The following FBXW7 variants were observed in gnomAD, a reference collection of about 807,000 sequenced individuals.
FBXW7 encodes the protein F-box and WD repeat domain containing 7.
FBXW7 carries 11 observed loss-of-function variants against 86.3 expected under a neutral mutation model. That is an observed-to-expected ratio of 0.13 (90% CI 0.08 to 0.21). The LOEUF (loss-of-function observed/expected upper bound fraction) is 0.21. FBXW7 is among the 10% of genes least tolerant of loss of function. FBXW7 has a pLI of 1.00. For synonymous variants in FBXW7, 313 were observed against 297.9 expected, an observed-to-expected ratio of 1.05 and a Z score of -0.52; for missense variants, 488 against 847.4, an observed-to-expected ratio of 0.58 and a Z score of 5.27.
At chr4:152,350,861 T>C (rs1485721795) in intron 4 of FBXW7, among the ~76,000 whole-genome samples, 1 of 151,966 alleles carries the variant, frequency 6.6e-6, no homozygotes, top group Non-Finnish European at 1.5e-5. Flanking sequence ...GTTATGCCTC[T>C]TCTATAAGGT....
chr4:152,439,997 C>G (rs1324368579), intron 2 of FBXW7, among the ~76,000 whole-genome samples: 4 of 151,956 alleles, frequency 2.6e-5, no homozygotes, highest in Non-Finnish European at 5.9e-5. Flanking sequence ...CTACTAAACA[C>G]TTAAAAATTA....
Position 152,411,691 on chromosome 4 carries a change from T to A in FBXW7, c.113A>T (p.Glu38Val). Reference sequence around the variant, plus strand: ...TCTGAGTTGCTGTTGCTGTTCCTCCTCTACCACACGATTCATCTGTTCTTC... The same window carrying A: ...TCTGAGTTGCTGTTGCTGTTCCTCCACTACCACACGATTCATCTGTTCTTC... ...VDEEQMNRVV[E>V]EEQQQQLRQQ... The change falls in exon 4 of 14, where the codon GAG becomes GTG. Residue 38 changes from glutamate to valine, a missense_variant. Around this residue, in one of 4 missense-constraint regions of FBXW7, gnomAD observed 230 missense variants for 240.0 expected, o/e 0.96. Transcript: ENST00000281708. 6.2e-7 allele frequency: 1 copy of A among 1,613,930 alleles called. No homozygotes were observed. The highest frequency in any genetic ancestry group is 8.5e-7 in the Non-Finnish European group (1 of 1,179,872).
intron 2 of FBXW7, among the ~76,000 whole-genome samples, chr4:152,499,367 G>C (rs1292702449): frequency 6.6e-6 from 1 of 152,106 alleles, no homozygotes; most frequent in East Asian, 1.9e-4. Context: ...AGGAATACTA[G>C]GAAATTGAGT....
chr4:152,385,153 T>C (rs1227428031), intron 4 of FBXW7, among the ~76,000 whole-genome samples: 1 of 152,040 alleles, frequency 6.6e-6, no homozygotes, highest in African/African-American at 2.4e-5. Context: ...AGTGATACCT[T>C]TGAAATCAAT....
chr4:152,461,755 A>G (rs1009136313), intron 2 of FBXW7, among the ~76,000 whole-genome samples: 19 of 152,310 alleles, frequency 1.2e-4, no homozygotes, highest in African/African-American at 4.3e-4. Context: ...TTTTGTCGCA[A>G]TCTTTCAAAG....
chr4:152,440,713 T>C (rs980669137), intron 2 of FBXW7, among the ~76,000 whole-genome samples: 2 of 152,006 alleles, frequency 1.3e-5, no homozygotes, highest in Non-Finnish European at 2.9e-5. Flanking sequence ...GGGGAGAAAA[T>C]GGTACCTTGC....
At chr4:152,342,009 TATTA>T (rs1442401984) in intron 6 of FBXW7, among the ~76,000 whole-genome samples, 3 of 152,072 alleles carry the variant, frequency 2.0e-5, no homozygotes, top group African/African-American at 7.2e-5. Flanking sequence ...TTCTTTTAAT[TATTA>T]TTTTACTGCT....
intron 4 of FBXW7, among the ~76,000 whole-genome samples, chr4:152,371,617 T>G (rs1364989904): frequency 1.3e-5 from 2 of 151,996 alleles, no homozygotes; most frequent in Non-Finnish European, 2.9e-5. Flanking sequence ...ACCAAATGAT[T>G]TAGAAATGAA....
intron 2 of FBXW7, among the ~76,000 whole-genome samples, chr4:152,497,318 T>A (rs1425790901): frequency 1.8e-5 from 1 of 55,740 alleles, no homozygotes. Flanking sequence ...TGAGACTCCA[T>A]CTCAAAAAAA....
chr4:152,376,319 T>C (rs948493161), intron 4 of FBXW7, among the ~76,000 whole-genome samples: 1 of 152,090 alleles, frequency 6.6e-6, no homozygotes, highest in African/African-American at 2.4e-5. Context: ...ACAGAGCTTA[T>C]GATGGTCGGT....
At chr4:152,427,496 T>C (rs1038926157) in intron 2 of FBXW7, among the ~76,000 whole-genome samples, 2 of 152,234 alleles carry the variant, frequency 1.3e-5, no homozygotes, top group Non-Finnish European at 2.9e-5. Context: ...AATTAACCTC[T>C]GCAATTCATT....
intron 2 of FBXW7, among the ~76,000 whole-genome samples, chr4:152,488,412 T>TCA (rs1015624625): frequency 6.6e-6 from 1 of 152,078 alleles, no homozygotes; most frequent in African/African-American, 2.4e-5. Flanking sequence ...ATAAGAACTC[T>TCA]CAGCTCTTTG....
chr4:152,430,337 C>T (rs1579178498), intron 2 of FBXW7, among the ~76,000 whole-genome samples: 1 of 152,148 alleles, frequency 6.6e-6, no homozygotes, highest in Non-Finnish European at 1.5e-5. Flanking sequence ...AGAATGTCAG[C>T]TACTGCCTTG....
chr4:152,496,332 C>T (rs1746337111), intron 2 of FBXW7, among the ~76,000 whole-genome samples: 1 of 151,792 alleles, frequency 6.6e-6, no homozygotes, highest in Admixed American at 6.6e-5. Context: ...ATTTGCCATT[C>T]ACGATGGTAA....
intron 2 of FBXW7, among the ~76,000 whole-genome samples, chr4:152,496,179 A>C (rs947555489): frequency 1.3e-5 from 2 of 152,216 alleles, no homozygotes; most frequent in African/African-American, 4.8e-5. Flanking sequence ...ACACCACCTC[A>C]AACAAACAAA....
At chr4:152,532,997 AC>A (rs1255987051) in intron 2 of FBXW7, among the ~76,000 whole-genome samples, 1 of 151,386 alleles carries the variant, frequency 6.6e-6, no homozygotes, top group Admixed American at 6.6e-5. Flanking sequence ...GACCAGCCTG[AC>A]CCACATGGTG....
intron 2 of FBXW7, among the ~76,000 whole-genome samples, chr4:152,428,961 G>T (rs917463629): frequency 5.3e-5 from 8 of 152,048 alleles, no homozygotes; most frequent in Non-Finnish European, 1.0e-4. Flanking sequence ...AGGCCAAGGC[G>T]GGTGGATCAC....
At chr4:152,350,156 T>C in intron 4 of FBXW7, 32 bp from the exon 5 acceptor site, 1 of 1,356,270 alleles carries the variant, frequency 7.4e-7, no homozygotes. Flanking sequence ...ATATGTTTTT[T>C]AAAAATCGTC....
chr4:152,491,027 C>T (rs1745795568), intron 2 of FBXW7, among the ~76,000 whole-genome samples: 1 of 152,102 alleles, frequency 6.6e-6, no homozygotes, highest in South Asian at 2.1e-4. Flanking sequence ...CTTTCACTCA[C>T]ACGGCTTAAT....
Sources: allele counts gnomAD v4.1 joint callset (sites outside exome capture counted in the v4.1 genomes callset), GRCh38; gene constraint gnomAD v4.1.1; regional missense constraint gnomAD v4.1.1; transcripts MANE v1.5; gene names NCBI Gene and HGNC (gene_info 2026-07-23, HGNC 2026-07-21).